The following RNF150 variants were observed in gnomAD, a reference collection of about 807,000 sequenced individuals.
RNF150 encodes ring finger protein 150.
Under a neutral mutation model 39.3 loss-of-function variants are expected in RNF150, and 24 were observed. The observed-to-expected ratio is 0.61, with a 90% CI of 0.44 to 0.86. The LOEUF (loss-of-function observed/expected upper bound fraction) is 0.86, where lower values mean the gene tolerates loss of function less well. Ranked by LOEUF, RNF150 falls within the 40% of genes least tolerant of loss-of-function variation. RNF150 has a pLI of 0.00. For missense variants in RNF150, 502 were observed against 587.8 expected (o/e 0.85, Z 1.51); for synonymous variants, 255 against 227.3 (o/e 1.12, Z -1.10).
chr4:141,110,994 T>G (rs1206079982), intron 1 of RNF150, among the ~76,000 whole-genome samples: 1 of 152,140 alleles, frequency 6.6e-6, no homozygotes, highest in Non-Finnish European at 1.5e-5. Context: ...AACCTGCTGT[T>G]GAGAACCCAT....
At chr4:140,918,411 C>A (rs940314661) in intron 5 of RNF150, among the ~76,000 whole-genome samples, 1 of 152,142 alleles carries the variant, frequency 6.6e-6, no homozygotes, top group African/African-American at 2.4e-5. Context: ...AACACCTCTA[C>A]ACAAATAAAC....
intron 6 of RNF150, among the ~76,000 whole-genome samples, chr4:140,874,495 G>C (rs912611468): frequency 6.6e-6 from 1 of 152,202 alleles, no homozygotes; most frequent in African/African-American, 2.4e-5. Flanking sequence ...ACATAGGAAA[G>C]TTTTTTATTT....
At chr4:140,878,433 A>G (rs1302721013) in intron 6 of RNF150, among the ~76,000 whole-genome samples, 2 of 152,116 alleles carry the variant, frequency 1.3e-5, no homozygotes, top group South Asian at 2.1e-4. Context: ...TTGGCCTCCC[A>G]AAGTGCTGGG....
At chr4:141,060,306 T>G (rs908318450) in intron 1 of RNF150, among the ~76,000 whole-genome samples, 1 of 152,102 alleles carries the variant, frequency 6.6e-6, no homozygotes, top group Admixed American at 6.5e-5. Flanking sequence ...CCAGGCGTAG[T>G]AGCATGCATT....
intron 1 of RNF150, among the ~76,000 whole-genome samples, chr4:141,201,145 T>C (rs1211087514): frequency 7.0e-6 from 1 of 143,296 alleles, no homozygotes; most frequent in South Asian, 2.3e-4. Flanking sequence ...ATATGAGACA[T>C]AGGTGAAGCA....
At chr4:141,178,145 G>A (rs1349372493) in intron 1 of RNF150, among the ~76,000 whole-genome samples, 1 of 152,094 alleles carries the variant, frequency 6.6e-6, no homozygotes, top group East Asian at 1.9e-4. Context: ...TTTTGGAGTT[G>A]TCTGAAAAAG....
rs566987674 is a variant in RNF150, at chr4:140,941,211, C to G, written c.890+6443G>C. Among the ~76,000 whole-genome samples the G allele has an allele frequency of 2.0e-5, 3 of 152,272 alleles. No homozygotes were observed. The East Asian group carries it at 5.8e-4, about 29-fold the overall frequency. ...AAAAATCCAGAACAGAGTTGAGTAT[C>G]TACAATATAAAAACATTCCCCTTGC... is the stretch of plus-strand genomic sequence containing the variant. On this transcript the variant is annotated intron_variant, in intron 4 of 6. Transcript: ENST00000515673.
intron 1 of RNF150, among the ~76,000 whole-genome samples, chr4:141,107,913 G>A (rs1196392361): frequency 6.6e-6 from 1 of 152,124 alleles, no homozygotes; most frequent in Admixed American, 6.5e-5. Context: ...TAGAGAATTT[G>A]CCAGTTCTAT....
chr4:141,158,380 G>A (rs1478454475), intron 1 of RNF150, among the ~76,000 whole-genome samples: 1 of 151,666 alleles, frequency 6.6e-6, no homozygotes, highest in Non-Finnish European at 1.5e-5. Flanking sequence ...TTTCAGGAGA[G>A]GTTGAGAAAA....
In RNF150 at chr4:141,155,252, A is replaced by ATTTT. The variant is rs70946798; in HGVS notation, c.-6+57538_-6+57541dup. 3.4e-3 allele frequency among the ~76,000 whole-genome samples: 430 copies of ATTTT among 126,366 alleles called. 4 individuals carry two copies. The highest frequency in any genetic ancestry group is 9.1e-3 in the Middle Eastern group (2 of 220). The allele number at this position is 126,366 out of a possible 152,430, so 82.9% of individuals were successfully genotyped here. ...AGGCATGCACCACCACACCCGGCTGATTTTTTTTTTTTTTTTTTGTATTTT... is the reference window on the plus strand; with the variant it reads ...AGGCATGCACCACCACACCCGGCTGATTTTTTTTTTTTTTTTTTTTTTGTATTTT... On this transcript the variant is annotated intron_variant, in intron 1 of 7. Coordinates refer to the RNF150 transcript ENST00000420921.
At chr4:140,946,835 T>C (rs1228157915) in intron 4 of RNF150, among the ~76,000 whole-genome samples, 7 of 152,188 alleles carry the variant, frequency 4.6e-5, no homozygotes, top group Non-Finnish European at 1.0e-4. Flanking sequence ...AAAGCCAATC[T>C]TTCTAAATGA....
intron 1 of RNF150, among the ~76,000 whole-genome samples, chr4:141,140,874 A>C (rs1425724104): frequency 6.6e-6 from 1 of 152,226 alleles, no homozygotes; most frequent in Non-Finnish European, 1.5e-5. Flanking sequence ...GGTAAACAGC[A>C]ATCTAGGACA....
intron 2 of RNF150, among the ~76,000 whole-genome samples, chr4:140,950,046 T>C (rs1732483924): frequency 6.6e-6 from 1 of 152,198 alleles, no homozygotes; most frequent in South Asian, 2.1e-4. Flanking sequence ...AAAATTACCA[T>C]CATAATGAGC....
chr4:140,947,880 T>C lies in RNF150; in HGVS notation c.808-144A>G, dbSNP rs1440558128. 1.6e-5 allele frequency: 9 copies of C among 551,786 alleles called. No homozygotes were observed. In the Admixed American group the frequency reaches 2.5e-4, roughly 15 times the overall value. 34.2% of individuals were successfully genotyped at this position (551,786 alleles called of 1,614,324 possible). On this transcript the variant is annotated intron_variant, in intron 3 of 6. Transcript: ENST00000515673. ...GTTTTTAAATCAAATGTACCATCAA[T>C]TGGACTAGTTTCCATTCCTTCCAAC...
At chr4:140,909,006 C>A (rs1324012718) in intron 6 of RNF150, among the ~76,000 whole-genome samples, 1 of 152,114 alleles carries the variant, frequency 6.6e-6, no homozygotes, top group East Asian at 1.9e-4. Context: ...TTTTCAACTG[C>A]TGGCAAAATT....
intron 1 of RNF150, among the ~76,000 whole-genome samples, chr4:141,093,305 G>T (rs1411710274): frequency 6.7e-6 from 1 of 150,334 alleles, no homozygotes; most frequent in African/African-American, 2.5e-5. Flanking sequence ...GGAGGTGCTT[G>T]CAGTGAGCTG....
At chr4:141,128,233 G>A (rs1372545055) in intron 1 of RNF150, among the ~76,000 whole-genome samples, 1 of 152,192 alleles carries the variant, frequency 6.6e-6, no homozygotes, top group Non-Finnish European at 1.5e-5. Context: ...TGACTGCTTT[G>A]TGCCAGCTAC....
chr4:140,924,139 C>T (rs1181573430), intron 5 of RNF150, among the ~76,000 whole-genome samples: 1 of 151,914 alleles, frequency 6.6e-6, no homozygotes, highest in African/African-American at 2.4e-5. Flanking sequence ...AAATCTTTAC[C>T]AAATCCAAAA....
chr4:141,176,255 T>C (rs1014791667), intron 1 of RNF150, among the ~76,000 whole-genome samples: 6 of 152,116 alleles, frequency 3.9e-5, no homozygotes, highest in African/African-American at 1.2e-4. Context: ...CCTTATGGTA[T>C]CATCTAATTC....
Sources: allele counts gnomAD v4.1 joint callset (sites outside exome capture counted in the v4.1 genomes callset), GRCh38; gene constraint gnomAD v4.1.1; transcripts MANE v1.5; gene names NCBI Gene and HGNC (gene_info 2026-07-23, HGNC 2026-07-21).